The following GRAMD1B variants were observed in gnomAD, a reference collection of about 807,000 sequenced individuals.
The protein encoded by GRAMD1B is GRAM domain containing 1B.
GRAMD1B carries 37 observed loss-of-function variants against 99.7 expected under a neutral mutation model. The ratio of observed to expected loss-of-function variants is 0.37; its 90% CI spans 0.29 to 0.49. GRAMD1B has a LOEUF of 0.49. GRAMD1B is among the 20% of genes least tolerant of loss of function. The pLI, the probability that GRAMD1B is intolerant of heterozygous loss-of-function variation, is 0.98. For missense variants in GRAMD1B, 888 were observed against 1,009.2 expected, an observed-to-expected ratio of 0.88 and a Z score of 1.63; for synonymous variants, 427 against 387.6, an observed-to-expected ratio of 1.10 and a Z score of -1.19.
At chr11:123,442,260 A>G (rs1183446546) in intron 1 of GRAMD1B, among the ~76,000 whole-genome samples, 1 of 151,490 alleles carries the variant, frequency 6.6e-6, no homozygotes, top group Non-Finnish European at 1.5e-5. Flanking sequence ...TTCTTTTTTT[A>G]TTTTTTCTCT....
At chr11:123,612,122 T>C (rs1953681646) in intron 14 of GRAMD1B, among the ~76,000 whole-genome samples, 1 of 151,912 alleles carries the variant, frequency 6.6e-6, no homozygotes, top group Non-Finnish European at 1.5e-5. Flanking sequence ...GATCTCACTC[T>C]CTTCCCCAGG....
At chr11:123,368,258 CAAAAAAA>C (rs1024340450) in intron 1 of GRAMD1B, among the ~76,000 whole-genome samples, 20 of 88,312 alleles carry the variant, frequency 2.3e-4, no homozygotes, top group Admixed American at 7.2e-4. Context: ...CATCTTAAAA[CAAAAAAA>C]AAAAAAAAAA....
intron 4 of GRAMD1B, among the ~76,000 whole-genome samples, chr11:123,586,947 C>T (rs1400651819): frequency 6.6e-6 from 1 of 152,202 alleles, no homozygotes; most frequent in East Asian, 1.9e-4. Context: ...AACGCCCAGC[C>T]CTGGGGATGC....
chr11:123,398,647 GT>G (rs1947552029), intron 1 of GRAMD1B, among the ~76,000 whole-genome samples: 1 of 152,092 alleles, frequency 6.6e-6, no homozygotes, highest in African/African-American at 2.4e-5. Flanking sequence ...GTATCCTATT[GT>G]GGTTTTATTT....
chr11:123,563,548 G>A (rs1309094352), intron 2 of GRAMD1B, among the ~76,000 whole-genome samples: 1 of 146,260 alleles, frequency 6.8e-6, no homozygotes, highest in Non-Finnish European at 1.5e-5. Context: ...GCCTCACTCT[G>A]TCACCCATGC....
chr11:123,608,742 G>A lies in GRAMD1B; in HGVS notation c.1597G>A (p.Asp533Asn). ...VFNFSVDKLY[D>N]LLFTNSPFQR... ...CAACTTCAGCGTGGACAAGCTCTAT[G>A]ACCTCCTCTTCACCAACTCGCCCTT... Residue 533 changes from aspartate (D) to asparagine (N), a missense_variant, in exon 12 of 20, where the codon GAC becomes AAC. Physicochemically the swap from Asp to Asn is conservative, Grantham distance 23. This residue lies in a region of GRAMD1B where 269 missense variants were observed against 296.6 expected (regional missense o/e 0.91). Transcript: ENST00000635736. 1 of 1,553,720 alleles carries A rather than the reference G, an allele frequency of 6.4e-7. No homozygotes were observed. The highest frequency in any genetic ancestry group is 1.7e-4 in the Middle Eastern group (1 of 5,894).
intron 1 of GRAMD1B, among the ~76,000 whole-genome samples, chr11:123,393,818 G>A (rs1451028064): frequency 1.3e-5 from 2 of 152,120 alleles, no homozygotes; most frequent in Non-Finnish European, 1.5e-5. Flanking sequence ...CAGAAGGTGG[G>A]GTTTGCTGGG....
chr11:123,458,590 AATCT>A (rs1489096854), intron 1 of GRAMD1B: 1 of 152,150 alleles, frequency 6.6e-6, no homozygotes, highest in Non-Finnish European at 1.5e-5. Flanking sequence ...CACTAAAATC[AATCT>A]GAGAAGAAAA....
intron 1 of GRAMD1B, among the ~76,000 whole-genome samples, chr11:123,442,560 C>G (rs1949457260): frequency 6.6e-6 from 1 of 152,094 alleles, no homozygotes; most frequent in South Asian, 2.1e-4. Context: ...ACTTGAGGTC[C>G]AGAGTTCAAG....
At chr11:123,525,685 C>T (rs1450616442) in intron 2 of GRAMD1B, 1 of 181,544 alleles carries the variant, frequency 5.5e-6, no homozygotes, top group Non-Finnish European at 1.2e-5. Context: ...AGAGGTGCAG[C>T]TTCTGCTAGG....
chr11:123,568,779 A>G (rs528579181), intron 2 of GRAMD1B, among the ~76,000 whole-genome samples: 2 of 151,998 alleles, frequency 1.3e-5, no homozygotes, highest in African/African-American at 4.8e-5. Flanking sequence ...AAAAAAAGCA[A>G]CTCTTCTCAA....
At chr11:123,544,934 T>C (rs1944908711) in intron 2 of GRAMD1B, among the ~76,000 whole-genome samples, 1 of 152,204 alleles carries the variant, frequency 6.6e-6, no homozygotes, top group South Asian at 2.1e-4. Context: ...GTTCTGGCGA[T>C]GGGAGATAGG....
intron 2 of GRAMD1B, among the ~76,000 whole-genome samples, chr11:123,572,209 A>T (rs1948179037): frequency 6.6e-6 from 1 of 152,138 alleles, no homozygotes; most frequent in African/African-American, 2.4e-5. Context: ...ACTAACTCTA[A>T]ACTCTGGGAG....
chr11:123,444,263 G>A lies in GRAMD1B; in HGVS notation c.374+13097G>A, dbSNP rs142152910. Among the ~76,000 whole-genome samples, 660 of 152,142 alleles carry A rather than the reference G, an allele frequency of 4.3e-3. 1 individual carries two copies. Among genetic ancestry groups the A allele is most frequent in the African/African-American group, 0.012 (483 of 41,500 alleles). ...AAATATTTCAACTTCCTTCTTTATC[G>A]TAATATTATGCTAGAGTCAGGTTGG... is the stretch of plus-strand genomic sequence containing the variant. On this transcript the variant is annotated intron_variant, in intron 1 of 19. Coordinates refer to ENST00000635736, the MANE Select transcript of GRAMD1B (RefSeq NM_001387025.1).
chr11:123,438,035 G>A (rs1949241764), intron 1 of GRAMD1B, among the ~76,000 whole-genome samples: 1 of 152,166 alleles, frequency 6.6e-6, no homozygotes, highest in African/African-American at 2.4e-5. Flanking sequence ...CCTATGATTG[G>A]TCAGTGGATT....
rs566191390 is a variant in GRAMD1B, at chr11:123,578,900, C to T, written c.663+1323C>T. Among the ~76,000 whole-genome samples, 482 of 152,210 alleles carry T rather than the reference C, an allele frequency of 3.2e-3. 1 individual carries two copies. The highest frequency in any genetic ancestry group is 0.011 in the African/African-American group (455 of 41,528). Reference sequence around the variant, plus strand: ...CTGACTGGGGGGCAGGGGTTCAGGTCGATGAGTTCATTGGTGCAGCAGCCA... The same window carrying T: ...CTGACTGGGGGGCAGGGGTTCAGGTTGATGAGTTCATTGGTGCAGCAGCCA... On this transcript the variant is annotated intron_variant, in intron 3 of 19. Coordinates refer to ENST00000635736, the MANE Select transcript of GRAMD1B (RefSeq NM_001387025.1).
intron 2 of GRAMD1B, among the ~76,000 whole-genome samples, chr11:123,509,393 A>G (rs193091986): frequency 6.6e-4 from 100 of 152,348 alleles, no homozygotes; most frequent in Middle Eastern, 3.4e-3. Flanking sequence ...GGAGGGAGGT[A>G]CTTGGAGATG....
chr11:123,568,762 G>T (rs1160658793), intron 2 of GRAMD1B, among the ~76,000 whole-genome samples: 1 of 152,104 alleles, frequency 6.6e-6, no homozygotes, highest in Non-Finnish European at 1.5e-5. Flanking sequence ...CTTCTATGCT[G>T]TAGGGAAAAA....
intron 2 of GRAMD1B, among the ~76,000 whole-genome samples, chr11:123,482,601 A>T (rs1001542715): frequency 2.1e-4 from 32 of 152,232 alleles, no homozygotes; most frequent in African/African-American, 7.7e-4. Flanking sequence ...TTTTTAATTC[A>T]TTCATGGGAG....
Sources: allele counts gnomAD v4.1 joint callset (sites outside exome capture counted in the v4.1 genomes callset), GRCh38; gene constraint gnomAD v4.1.1; regional missense constraint gnomAD v4.1.1; transcripts MANE v1.5; gene names NCBI Gene and HGNC (gene_info 2026-07-23, HGNC 2026-07-21).